Variants in VPS72 observed in about 807,000 individuals in gnomAD.
VPS72 encodes vacuolar protein sorting 72 homolog.
A neutral mutation model predicts 38.9 loss-of-function variants in VPS72; 27 were observed. The ratio of observed to expected loss-of-function variants is 0.69; its 90% CI spans 0.51 to 0.96. The LOEUF is 0.96. VPS72 is among the 40% of genes least tolerant of loss of function. VPS72 has a pLI of 0.00. For synonymous variants in VPS72, 173 were observed against 186.3 expected, an observed-to-expected ratio of 0.93 and a Z score of 0.58; for missense variants, 360 against 479.5, an observed-to-expected ratio of 0.75 and a Z score of 2.33.
chr1:151,186,421 T>C lies in VPS72; in HGVS notation c.118-471A>G, dbSNP rs587722568. On this transcript the variant is annotated intron_variant, in intron 1 of 5. Transcript: ENST00000368892. ...TAAAAATACAAAAATTAGCTGGGCA[T>C]GGTGACGCACACCTGTAGTCCCAGC... Among the ~76,000 whole-genome samples the C allele has an allele frequency of 3.3e-5, 5 of 152,198 alleles. No homozygotes were observed. The East Asian group carries it at 7.7e-4, about 23-fold the overall frequency.
chr1:151,185,444 C>T, intron 3 of VPS72, 62 bp downstream of exon 3: 1 of 1,515,072 alleles, frequency 6.6e-7, no homozygotes, highest in South Asian at 1.1e-5. Flanking sequence ...AAATTTAACA[C>T]TGATATGATA....
rs771239889 is a variant in VPS72 at position 151,190,099 on chromosome 1, G to T, written c.23C>A (p.Ala8Glu). MSLAGGRAPRKTAGNRLS... is the reference protein window; with the variant it reads MSLAGGREPRKTAGNRLS... ...CCGGTTCCCAGCGGTCTTCCGGGGT[G>T]CCCGGCCCCCAGCCAAACTCATACC... Residue 8 changes from alanine to glutamate, a missense_variant, in exon 1 of 6, where the codon GCA becomes GAA. By Grantham distance (107) the Ala-to-Glu change is moderately radical. Coordinates refer to ENST00000368892, the MANE Select transcript of VPS72 (RefSeq NM_005997.3). The T allele has an allele frequency of 6.2e-7, 1 of 1,613,944 alleles. No individual in the cohort carries two copies. Among genetic ancestry groups the T allele is most frequent in the African/African-American group, 1.3e-5 (1 of 75,018 alleles).
In VPS72 at chr1:151,190,130, C is replaced by T; in HGVS notation, c.-9G>A. 1.2e-6 allele frequency: 2 copies of T among 1,612,452 alleles called. No individual in the cohort carries two copies. Among genetic ancestry groups the T allele is most frequent in the Non-Finnish European group, 1.7e-6 (2 of 1,179,984 alleles). On this transcript the variant is annotated 5_prime_UTR_variant, in exon 1 of 6. Transcript: ENST00000368892. ...CCCCCAGCCAAACTCATACCGCCTA[C>T]CGAGACTGCGCCGCCACCTGCAGCC...
At chr1:151,186,458 T>C (rs1030790395) in intron 1 of VPS72, among the ~76,000 whole-genome samples, 62 of 151,128 alleles carry the variant, frequency 4.1e-4, no homozygotes, top group African/African-American at 1.5e-3. Context: ...ACTTGGGAGG[T>C]TGAGGCAGGA....
rs371399234 is a variant in VPS72 at position 151,177,842 on chromosome 1, C to CA, written c.707+158dup. ...TAGGTGACAGAGCAGCATCATGTCT[C>CA]AAAAAAAAAAAAAGAAAAAGAAATT... is the stretch of plus-strand genomic sequence containing the variant. On this transcript the variant is annotated intron_variant, in intron 5 of 5. Coordinates refer to ENST00000368892, the MANE Select transcript of VPS72 (RefSeq NM_005997.3). Among the ~76,000 whole-genome samples, 882 of 125,898 alleles carry CA rather than the reference C, an allele frequency of 7.0e-3. 9 individuals are homozygous for CA. Among genetic ancestry groups the CA allele is most frequent in the African/African-American group, 0.013 (442 of 33,902 alleles). 82.6% of individuals were successfully genotyped at this position (125,898 alleles called of 152,430 possible).
At chr1:151,180,930 C>T (rs980309238) in intron 4 of VPS72, among the ~76,000 whole-genome samples, 1 of 152,216 alleles carries the variant, frequency 6.6e-6, no homozygotes, top group African/African-American at 2.4e-5. Flanking sequence ...TCTTACATCC[C>T]TACAGGATAT....
intron 4 of VPS72, among the ~76,000 whole-genome samples, chr1:151,181,367 C>A (rs960319417): frequency 6.6e-6 from 1 of 151,892 alleles, no homozygotes; most frequent in Non-Finnish European, 1.5e-5. Flanking sequence ...TCTCAGCCCC[C>A]CGAGTAGCCA....
chr1:151,183,482 C>G (rs1684283402), intron 4 of VPS72, among the ~76,000 whole-genome samples: 1 of 150,806 alleles, frequency 6.6e-6, no homozygotes, highest in African/African-American at 2.4e-5. Flanking sequence ...TTACAGTGGT[C>G]CAAACCAATC....
intron 1 of VPS72, among the ~76,000 whole-genome samples, chr1:151,189,718 A>C (rs1190945541): frequency 6.6e-6 from 1 of 152,108 alleles, no homozygotes; most frequent in Admixed American, 6.6e-5. Context: ...TGAAAGATGC[A>C]ACCACGCAAG....
intron 3 of VPS72, 110 bp downstream of exon 3, chr1:151,185,396 G>T: frequency 9.3e-7 from 1 of 1,076,130 alleles, no homozygotes; most frequent in Non-Finnish European, 1.4e-6. Context: ...AAAGTGCTGG[G>T]ATTCTAGGAG....
chr1:151,185,475 T>G (rs1460551038), intron 3 of VPS72, 31 bp downstream of exon 3: 1 of 1,591,750 alleles, frequency 6.3e-7, no homozygotes, highest in East Asian at 2.2e-5. Context: ...ATATTCCAAT[T>G]TTGCCAATTG....
At position 151,187,598 on chromosome 1, in the gene VPS72, T is replaced by A. The variant is rs113703573; in HGVS notation, c.118-1648A>T. ...TTTTATTGAGAGTCATTAAGAGACA[T>A]CACTAGAAAAGAGAATGTTTGTATA... On this transcript the variant is annotated intron_variant, in intron 1 of 5. Coordinates refer to ENST00000368892, the MANE Select transcript of VPS72 (RefSeq NM_005997.3). Among the ~76,000 whole-genome samples the A allele has an allele frequency of 8.5e-3, 1,302 of 152,310 alleles. 18 individuals are homozygous for A. Among genetic ancestry groups the A allele is most frequent in the African/African-American group, 0.03 (1,237 of 41,568 alleles).
At chr1:151,179,950 CTGAA>C (rs1391823418) in intron 4 of VPS72, among the ~76,000 whole-genome samples, 1 of 152,112 alleles carries the variant, frequency 6.6e-6, no homozygotes, top group Admixed American at 6.6e-5. Context: ...TCCCCTTCCT[CTGAA>C]TGAACTCCAG....
rs1168739538 is a variant in VPS72, at chr1:151,185,871, C to T, written c.197G>A (p.Gly66Glu). The change falls in exon 2 of 6, where the codon GGG (glycine) becomes GAG (glutamate). Residue 66 changes from glycine (G) to glutamate (E), a missense_variant. Physicochemically the swap from Gly to Glu is moderately conservative, Grantham distance 98. Coordinates refer to ENST00000368892, the MANE Select transcript of VPS72 (RefSeq NM_005997.3). ...TTCTCCATCACTGGATGGTTCATCC[C>T]CTTCATCAATGTCAAAGTCAGAGTC... is the stretch of plus-strand genomic sequence containing the variant. ...EVDSDFDIDE[G>E]DEPSSDGEAE... The T allele has an allele frequency of 6.2e-7, 1 of 1,614,054 alleles. No homozygotes were observed. Among genetic ancestry groups the T allele is most frequent in the Non-Finnish European group, 8.5e-7 (1 of 1,180,050 alleles).
chr1:151,178,857 C>T (rs1298379615), intron 4 of VPS72, among the ~76,000 whole-genome samples: 1 of 152,160 alleles, frequency 6.6e-6, no homozygotes, highest in Non-Finnish European at 1.5e-5. Flanking sequence ...GATACTGCTC[C>T]ATGGCGATGC....
chr1:151,180,282 G>C (rs1044467404), intron 4 of VPS72, among the ~76,000 whole-genome samples: 7 of 149,662 alleles, frequency 4.7e-5, no homozygotes, highest in African/African-American at 1.5e-4. Flanking sequence ...TTGTGCCATC[G>C]CACTCCAGCC....
In VPS72 at chr1:151,190,132, G is replaced by C. The variant is rs769769150; in HGVS notation, c.-11C>G. 6.2e-6 allele frequency: 10 copies of C among 1,611,962 alleles called. No individual in the cohort carries two copies. Among genetic ancestry groups the C allele is most frequent in the Non-Finnish European group, 7.6e-6 (9 of 1,179,948 alleles). On this transcript the variant is annotated 5_prime_UTR_variant, in exon 1 of 6. Coordinates refer to ENST00000368892, the MANE Select transcript of VPS72 (RefSeq NM_005997.3). The stretch of plus-strand genomic sequence containing the variant: ...CCCAGCCAAACTCATACCGCCTACC[G>C]AGACTGCGCCGCCACCTGCAGCCCC...
At position 151,176,875 on chromosome 1, in the gene VPS72, A is replaced by G. The variant is rs1415629381; in HGVS notation, c.864T>C (p.Val288=). The G allele has an allele frequency of 1.9e-6, 3 of 1,614,064 alleles. No homozygotes were observed. The highest frequency in any genetic ancestry group is 2.5e-6 in the Non-Finnish European group (3 of 1,180,040). ...GATGGGTCACTGGACAGACCTCACG[A>G]ACAGGGACTTTTGGGGGCCGCCCTT... ...FPQGRPPKVP[V]REVCPVTHRP... is the part of the protein sequence containing the mutation. Residue 288 remains valine (V), a synonymous_variant, in exon 6 of 6, where the codon GTT becomes GTC. Coordinates refer to ENST00000368892, the MANE Select transcript of VPS72 (RefSeq NM_005997.3).
At position 151,176,894 on chromosome 1, in the gene VPS72, C is replaced by T. The variant is rs765138171; in HGVS notation, c.845G>A (p.Arg282Gln). The T allele has an allele frequency of 3.1e-6, 5 of 1,613,950 alleles. No individual in the cohort carries two copies. Among genetic ancestry groups the T allele is most frequent in the East Asian group, 2.2e-5 (1 of 44,896 alleles). ...CTCACGAACAGGGACTTTTGGGGGC[C>T]GCCCTTGGGGGAACCATTCCTCGAA... is the stretch of plus-strand genomic sequence containing the variant. ...ATFEEWFPQG[R>Q]PPKVPVREVC... Residue 282 changes from arginine to glutamine, a missense_variant, in exon 6 of 6, where the codon CGG becomes CAG. Arg to Gln is a conservative substitution (Grantham distance 43). Transcript: ENST00000368892.
Sources: gnomAD v4.1 joint callset for allele counts (sites outside exome capture counted in the v4.1 genomes callset) on GRCh38, gnomAD v4.1.1 for gene constraint, MANE v1.5 for transcripts, NCBI Gene and HGNC (gene_info 2026-07-23, HGNC 2026-07-21) for gene names.